The following ESRRG variants were observed in gnomAD, a reference collection of about 807,000 sequenced individuals.
ESRRG encodes estrogen-related receptor gamma.
In ESRRG, 13 loss-of-function variants were observed where a neutral mutation model predicts 44.0. The observed-to-expected ratio is 0.30, with a 90% CI of 0.19 to 0.47. The LOEUF (loss-of-function observed/expected upper bound fraction) is 0.47, where lower values mean the gene tolerates loss of function less well. Ranked by LOEUF, ESRRG falls within the 20% of genes least tolerant of loss-of-function variation. The pLI, the probability that ESRRG is intolerant of heterozygous loss-of-function variation, is 1.00. For synonymous variants in ESRRG, 215 were observed against 214.6 expected, an observed-to-expected ratio of 1.00 and a Z score of -0.02; for missense variants, 395 against 580.6, an observed-to-expected ratio of 0.68 and a Z score of 3.29.
intron 2 of ESRRG, among the ~76,000 whole-genome samples, chr1:216,810,591 A>G (rs2094937645): frequency 1.4e-5 from 2 of 147,662 alleles, no homozygotes; most frequent in African/African-American, 4.9e-5. Context: ...TAAATTATAT[A>G]TATAATATAT....
At chr1:217,003,839 G>A (rs1217915624) in intron 1 of ESRRG, among the ~76,000 whole-genome samples, 4 of 151,222 alleles carry the variant, frequency 2.6e-5, no homozygotes, top group Admixed American at 6.6e-5. Context: ...TAATTTCAAT[G>A]TCCAGATGAC....
intron 1 of ESRRG, among the ~76,000 whole-genome samples, chr1:216,702,823 A>C (rs1211553633): frequency 2.6e-5 from 4 of 151,574 alleles, no homozygotes; most frequent in African/African-American, 4.8e-5. Context: ...TGACTCAAGC[A>C]CATGAGTTGG....
chr1:216,519,658 T>A (rs1006581211), intron 5 of ESRRG, among the ~76,000 whole-genome samples: 2 of 152,026 alleles, frequency 1.3e-5, no homozygotes, highest in Non-Finnish European at 2.9e-5. Context: ...TAGGGGAATA[T>A]AATAGAGATG....
intron 2 of ESRRG, among the ~76,000 whole-genome samples, chr1:216,813,695 G>A (rs1229236946): frequency 1.3e-5 from 2 of 152,182 alleles, no homozygotes; most frequent in Non-Finnish European, 2.9e-5. Flanking sequence ...GGATGTCATA[G>A]TGAAGCTCAG....
intron 2 of ESRRG, among the ~76,000 whole-genome samples, chr1:216,731,504 C>T (rs2088765646): frequency 6.6e-6 from 1 of 152,202 alleles, no homozygotes; most frequent in East Asian, 1.9e-4. Context: ...GAGCAAGGCC[C>T]TGATGAGAAC....
intron 2 of ESRRG, among the ~76,000 whole-genome samples, chr1:216,900,502 C>T (rs917563701): frequency 1.2e-4 from 18 of 152,098 alleles, no homozygotes; most frequent in African/African-American, 4.3e-4. Context: ...AAAATTATAT[C>T]TGGTGTGTGG....
intron 1 of ESRRG, among the ~76,000 whole-genome samples, chr1:217,011,199 G>A (rs1352928642): frequency 6.6e-6 from 1 of 151,990 alleles, no homozygotes; most frequent in Non-Finnish European, 1.5e-5. Flanking sequence ...ATGACACATT[G>A]CCTGACTATC....
rs541487451 is a variant in ESRRG, at chr1:216,698,392, G to A, written c.57-20901C>T. ...AAATTATCCGGGCGTGGTGGGGGGC[G>A]CCTGTAGTCCCAGCTACTCGGGAAG... On this transcript the variant is annotated intron_variant, in intron 1 of 6. Transcript: ENST00000408911. 5.0e-3 allele frequency among the ~76,000 whole-genome samples: 757 copies of A among 151,736 alleles called. 5 individuals are homozygous for A. The highest frequency in any genetic ancestry group is 0.017 in the African/African-American group (723 of 41,352).
At chr1:216,900,496 T>C (rs144288639) in intron 2 of ESRRG, among the ~76,000 whole-genome samples, 1 of 152,244 alleles carries the variant, frequency 6.6e-6, no homozygotes, top group Non-Finnish European at 1.5e-5. Flanking sequence ...TTGAGCAAAA[T>C]TATATCTGGT....
intron 1 of ESRRG, among the ~76,000 whole-genome samples, chr1:217,051,204 C>CAG (rs1215170555): frequency 3.0e-5 from 1 of 33,590 alleles, no homozygotes; most frequent in Non-Finnish European, 5.7e-5. Context: ...ATAATGGGGG[C>CAG]GGGGGGGGGG....
intron 5 of ESRRG, among the ~76,000 whole-genome samples, chr1:216,542,615 A>G (rs1187963487): frequency 6.6e-6 from 1 of 152,044 alleles, no homozygotes; most frequent in African/African-American, 2.4e-5. Flanking sequence ...ATCGTCCTTC[A>G]AAACTTTTTT....
chr1:217,137,496 G>A (rs2093065422), intron 1 of ESRRG, among the ~76,000 whole-genome samples: 2 of 152,344 alleles, frequency 1.3e-5, no homozygotes, highest in South Asian at 4.1e-4. Flanking sequence ...TGGGGCTCGA[G>A]AGCTGACGGA....
intron 1 of ESRRG, among the ~76,000 whole-genome samples, chr1:216,968,742 T>C (rs182134074): frequency 3.3e-4 from 49 of 150,550 alleles, no homozygotes; most frequent in African/African-American, 1.0e-3. Context: ...AATCCATGGG[T>C]TGATATCCAC....
At chr1:217,035,485 T>A (rs1579858506) in intron 1 of ESRRG, among the ~76,000 whole-genome samples, 1 of 152,086 alleles carries the variant, frequency 6.6e-6, no homozygotes, top group East Asian at 1.9e-4. Flanking sequence ...GAGGCCTATT[T>A]TTTTACTAAA....
intron 3 of ESRRG, among the ~76,000 whole-genome samples, chr1:216,569,922 C>T (rs11117625): frequency 0.18 from 27,200 of 152,086 alleles, 3,080 homozygotes; most frequent in Middle Eastern, 0.26. Flanking sequence ...TGAACCAGAG[C>T]TCCAGTTTTT....
intron 5 of ESRRG, among the ~76,000 whole-genome samples, chr1:216,537,742 C>A (rs1406601483): frequency 6.6e-6 from 1 of 152,002 alleles, no homozygotes; most frequent in East Asian, 1.9e-4. Context: ...CTCACTAAAA[C>A]CTTATGGAGA....
intron 2 of ESRRG, among the ~76,000 whole-genome samples, chr1:216,825,242 CT>C (rs1236112249): frequency 5.3e-5 from 8 of 152,178 alleles, no homozygotes; most frequent in African/African-American, 9.7e-5. Flanking sequence ...CTTCCTGCCC[CT>C]TAAGGAAATG....
chr1:216,840,296 C>A (rs2095631643), intron 2 of ESRRG, among the ~76,000 whole-genome samples: 1 of 152,182 alleles, frequency 6.6e-6, no homozygotes, highest in Admixed American at 6.6e-5. Context: ...ATGAACCAAC[C>A]TGTGCTAGCT....
chr1:217,053,264 G>A (rs2086425669), intron 1 of ESRRG, among the ~76,000 whole-genome samples: 1 of 151,954 alleles, frequency 6.6e-6, no homozygotes, highest in Non-Finnish European at 1.5e-5. Flanking sequence ...AGACCAGCCT[G>A]GCCAACATGG....
Sources: gnomAD v4.1 joint callset for allele counts (sites outside exome capture counted in the v4.1 genomes callset) on GRCh38, gnomAD v4.1.1 for gene constraint, MANE v1.5 for transcripts, NCBI Gene and HGNC (gene_info 2026-07-23, HGNC 2026-07-21) for gene names.